Variants in HS6ST2 observed in about 807,000 individuals in gnomAD.
HS6ST2 encodes the protein heparan-sulfate 6-O-sulfotransferase 2.
In HS6ST2, 17 loss-of-function variants were observed where a neutral mutation model predicts 33.0. The ratio of observed to expected loss-of-function variants is 0.52; its 90% CI spans 0.35 to 0.77. The LOEUF (loss-of-function observed/expected upper bound fraction) is 0.77, where lower values mean the gene tolerates loss of function less well. Ranked by LOEUF, HS6ST2 falls within the 30% of genes least tolerant of loss-of-function variation. The pLI, the probability that HS6ST2 is intolerant of heterozygous loss-of-function variation, is 0.01. For synonymous variants in HS6ST2, 248 were observed against 237.1 expected (o/e 1.05, Z -0.42); for missense variants, 519 against 551.7 (o/e 0.94, Z 0.59).
chrX:132,865,707 T>C (rs1299301575), intron 2 of HS6ST2, among the ~76,000 whole-genome samples: 1 of 112,577 alleles, frequency 8.9e-6, no homozygotes, highest in Non-Finnish European at 1.9e-5. Context: ...GTGGTTTTGA[T>C]TGGCATTTCT....
chrX:132,783,780 GA>G (rs2148333880), intron 2 of HS6ST2, among the ~76,000 whole-genome samples: 1 of 111,269 alleles, frequency 9.0e-6, no homozygotes, highest in African/African-American at 3.3e-5. Flanking sequence ...TTTGTATTGG[GA>G]AAGTTCCTGG....
intron 4 of HS6ST2, among the ~76,000 whole-genome samples, chrX:132,648,287 C>CTTT (rs1420816049): frequency 3.6e-5 from 4 of 111,204 alleles, no homozygotes; most frequent in Non-Finnish European, 7.5e-5. Flanking sequence ...CTGTCATTTG[C>CTTT]CTTGGAACCA....
intron 2 of HS6ST2, among the ~76,000 whole-genome samples, chrX:132,881,646 A>G (rs907715108): frequency 4.5e-5 from 5 of 111,567 alleles, no homozygotes; most frequent in Admixed American, 1.9e-4. Context: ...CCATTTGTCA[A>G]TTTTGGCTTT....
At chrX:132,807,597 C>A (rs982037477) in intron 2 of HS6ST2, among the ~76,000 whole-genome samples, 1 of 110,798 alleles carries the variant, frequency 9.0e-6, no homozygotes, top group African/African-American at 3.3e-5. Context: ...CAGAGTAGGC[C>A]AAAAATGCTG....
intron 3 of HS6ST2, among the ~76,000 whole-genome samples, chrX:132,702,186 T>C (rs1173548986): frequency 8.9e-6 from 1 of 112,606 alleles, no homozygotes; most frequent in Non-Finnish European, 1.9e-5. Flanking sequence ...TGTACTACTT[T>C]CGAACTAAAG....
At chrX:132,805,939 T>C (rs1433056206) in intron 2 of HS6ST2, among the ~76,000 whole-genome samples, 1 of 110,295 alleles carries the variant, frequency 9.1e-6, no homozygotes, top group African/African-American at 3.3e-5. Context: ...CAAGGAGATA[T>C]TAATATCAAT....
intron 2 of HS6ST2, among the ~76,000 whole-genome samples, chrX:132,819,140 C>T (rs760946494): frequency 1.0e-4 from 11 of 110,476 alleles, no homozygotes; most frequent in Non-Finnish European, 1.5e-4. Context: ...AGAACCAACG[C>T]GCAATGGGTG....
intron 2 of HS6ST2, among the ~76,000 whole-genome samples, chrX:132,864,228 A>T (rs2065944580): frequency 9.1e-6 from 1 of 109,948 alleles, no homozygotes; most frequent in East Asian, 2.9e-4. Flanking sequence ...CGAGCAAGGG[A>T]ACAAAAATGG....
At chrX:132,671,660 G>C (rs2063881672) in intron 3 of HS6ST2, among the ~76,000 whole-genome samples, 1 of 109,729 alleles carries the variant, frequency 9.1e-6, no homozygotes, top group African/African-American at 3.3e-5. Context: ...TCCTGGAGCA[G>C]TAATCCTTTA....
chrX:132,908,730 G>GAAGCCTTC (rs1326062953), intron 2 of HS6ST2, among the ~76,000 whole-genome samples: 4 of 110,979 alleles, frequency 3.6e-5, no homozygotes, highest in Admixed American at 9.7e-5. Context: ...GGAATGGGGA[G>GAAGCCTTC]ACTAGGAGTG....
chrX:132,628,551 T>A lies in HS6ST2; in HGVS notation c.1610A>T (p.Gln537Leu), dbSNP rs2063495031. 8.3e-7 allele frequency: 1 copy of A among 1,209,093 alleles called. No individual in the cohort carries two copies. The highest frequency in any genetic ancestry group is 1.1e-6 in the Non-Finnish European group (1 of 894,984). Residue 537 changes from glutamine to leucine, a missense_variant, in exon 5 of 5, where the codon CAG becomes CTG. Physicochemically the swap from Gln to Leu is moderately radical, Grantham distance 113 (BLOSUM62 -2). Coordinates refer to ENST00000370833, the MANE Select transcript of HS6ST2 (RefSeq NM_001394073.1). ...LYSYAKDLFLQRYQFMRQKEH... is the reference protein window; with the variant it reads ...LYSYAKDLFLLRYQFMRQKEH... The stretch of plus-strand genomic sequence containing the variant: ...TTTCTGCCTCATAAACTGATACCTC[T>A]GCAAAAAAAGGTCTTTGGCATAGCT...
intron 4 of HS6ST2, among the ~76,000 whole-genome samples, chrX:132,637,454 G>A (rs1282043182): frequency 9.1e-6 from 1 of 109,496 alleles, no homozygotes; most frequent in Non-Finnish European, 1.9e-5. Context: ...GGAAAGTCCA[G>A]GGAATGTTAC....
intron 2 of HS6ST2, among the ~76,000 whole-genome samples, chrX:132,739,143 A>G (rs1299352387): frequency 9.0e-6 from 1 of 111,731 alleles, no homozygotes; most frequent in African/African-American, 3.3e-5. Flanking sequence ...ATAAATCACT[A>G]GACGCGCACC....
chrX:132,813,320 T>G (rs1178643207), intron 2 of HS6ST2, among the ~76,000 whole-genome samples: 5 of 111,246 alleles, frequency 4.5e-5, no homozygotes, highest in African/African-American at 1.6e-4. Flanking sequence ...CTCCCATGAT[T>G]TAGATGCTCT....
chrX:132,882,816 T>C (rs1378303801), intron 2 of HS6ST2, among the ~76,000 whole-genome samples: 1 of 111,605 alleles, frequency 9.0e-6, no homozygotes, highest in Non-Finnish European at 1.9e-5. Flanking sequence ...ACCTAATTTA[T>C]TGAGAGTTTT....
At chrX:132,892,130 T>G (rs1413417629) in intron 2 of HS6ST2, among the ~76,000 whole-genome samples, 1 of 112,478 alleles carries the variant, frequency 8.9e-6, no homozygotes, top group Non-Finnish European at 1.9e-5. Context: ...TGTTTTTGTT[T>G]TTGAAGACCA....
At chrX:132,647,569 C>T (rs2063656076) in intron 4 of HS6ST2, among the ~76,000 whole-genome samples, 3 of 112,305 alleles carry the variant, frequency 2.7e-5, no homozygotes, top group Non-Finnish European at 5.6e-5. Flanking sequence ...AACTCCTAGG[C>T]AGGCATGGTC....
intron 4 of HS6ST2, among the ~76,000 whole-genome samples, chrX:132,659,728 C>T (rs2063756989): frequency 9.0e-6 from 1 of 111,493 alleles, no homozygotes; most frequent in African/African-American, 3.3e-5. Flanking sequence ...AGTATTGGCC[C>T]TATCACCTAC....
At chrX:132,840,610 G>A (rs1224820851) in intron 2 of HS6ST2, among the ~76,000 whole-genome samples, 1 of 111,569 alleles carries the variant, frequency 9.0e-6, no homozygotes, top group Non-Finnish European at 1.9e-5. Context: ...GATACATTTT[G>A]GAAGCTCATA....
Sources: gnomAD v4.1 joint callset for allele counts (sites outside exome capture counted in the v4.1 genomes callset) on GRCh38, gnomAD v4.1.1 for gene constraint, MANE v1.5 for transcripts, NCBI Gene and HGNC (gene_info 2026-07-23, HGNC 2026-07-21) for gene names.